Variants in LRMDA observed in about 807,000 individuals in gnomAD.
The protein encoded by LRMDA is leucine rich melanocyte differentiation associated, also known as leucine-rich melanocyte differentiation-associated protein.
In LRMDA, 18 loss-of-function variants were observed where a neutral mutation model predicts 29.8. The observed-to-expected ratio is 0.60, with a 90% CI of 0.42 to 0.90. The LOEUF is 0.90. Among genes scored for constraint, LRMDA ranks in the 40% least tolerant of loss-of-function variants. The pLI, the probability that LRMDA is intolerant of heterozygous loss-of-function variation, is 0.00. For synonymous variants in LRMDA, 125 were observed against 109.4 expected (o/e 1.14, Z -0.89); for missense variants, 273 against 273.9 (o/e 1.00, Z 0.02).
intron 6 of LRMDA, among the ~76,000 whole-genome samples, chr10:76,359,947 G>A (rs1490819704): frequency 2.0e-5 from 3 of 152,062 alleles, no homozygotes; most frequent in Non-Finnish European, 4.4e-5. Context: ...AGGACCAAGA[G>A]CAACTTGTTG....
chr10:75,555,227 G>A (rs1488203322), intron 2 of LRMDA, among the ~76,000 whole-genome samples: 1 of 152,108 alleles, frequency 6.6e-6, no homozygotes, highest in Admixed American at 6.6e-5. Flanking sequence ...TACCGGAAGG[G>A]GAGCTGACTC....
intron 2 of LRMDA, among the ~76,000 whole-genome samples, chr10:75,654,034 G>A (rs879116742): frequency 3.9e-5 from 6 of 152,220 alleles, no homozygotes; most frequent in African/African-American, 9.7e-5. Context: ...CACACCCATA[G>A]TCAGCGCACT....
chr10:75,821,276 G>GCAA (rs1219504038), intron 2 of LRMDA, among the ~76,000 whole-genome samples: 1 of 152,134 alleles, frequency 6.6e-6, no homozygotes, highest in African/African-American at 2.4e-5. Flanking sequence ...CAGAACACTA[G>GCAA]CAAACTGAAT....
chr10:76,319,462 G>T (rs1326857415), intron 5 of LRMDA, among the ~76,000 whole-genome samples: 1 of 152,150 alleles, frequency 6.6e-6, no homozygotes, highest in African/African-American at 2.4e-5. Context: ...ATGATCCAGA[G>T]TATGGGAGTG....
intron 6 of LRMDA, among the ~76,000 whole-genome samples, chr10:76,326,934 G>A (rs117047508): frequency 0.012 from 1,860 of 152,108 alleles, 23 homozygotes; most frequent in Non-Finnish European, 0.017. Context: ...TCTGAGTTAT[G>A]TTGATTTTCT....
chr10:75,509,974 A>T (rs1196598269), intron 2 of LRMDA, among the ~76,000 whole-genome samples: 1 of 152,206 alleles, frequency 6.6e-6, no homozygotes, highest in East Asian at 1.9e-4. Context: ...TCCAAAACAG[A>T]CAGGGTTGCC....
intron 6 of LRMDA, among the ~76,000 whole-genome samples, chr10:76,414,325 A>C (rs1006078040): frequency 2.0e-5 from 3 of 152,212 alleles, no homozygotes; most frequent in African/African-American, 4.8e-5. Flanking sequence ...GCCACAAAAC[A>C]AACCAGAAAC....
At chr10:76,278,040 A>G (rs1332559207) in intron 5 of LRMDA, among the ~76,000 whole-genome samples, 1 of 152,186 alleles carries the variant, frequency 6.6e-6, no homozygotes, top group African/African-American at 2.4e-5. Context: ...TTACTCAGTC[A>G]GAAGAAGGAG....
At chr10:75,693,375 T>C (rs1436875784) in intron 2 of LRMDA, among the ~76,000 whole-genome samples, 1 of 152,212 alleles carries the variant, frequency 6.6e-6, no homozygotes, top group Non-Finnish European at 1.5e-5. Context: ...AAGGATGTTA[T>C]GGGAGCCTCT....
At chr10:75,594,286 G>A (rs1840759574) in intron 2 of LRMDA, among the ~76,000 whole-genome samples, 1 of 152,190 alleles carries the variant, frequency 6.6e-6, no homozygotes, top group African/African-American at 2.4e-5. Context: ...GGTAGTTGGT[G>A]CTTTCTCCTA....
intron 2 of LRMDA, among the ~76,000 whole-genome samples, chr10:75,834,584 C>T (rs1844401460): frequency 6.6e-6 from 1 of 152,172 alleles, no homozygotes; most frequent in African/African-American, 2.4e-5. Context: ...CAAGAGGAAA[C>T]CAGATTGGAC....
chr10:75,556,093 G>A (rs554101785), intron 2 of LRMDA, among the ~76,000 whole-genome samples: 36 of 152,018 alleles, frequency 2.4e-4, no homozygotes, highest in Middle Eastern at 3.4e-3. Context: ...ATGGGGTGGG[G>A]GTGAATGAAA....
intron 5 of LRMDA, among the ~76,000 whole-genome samples, chr10:76,178,119 C>T (rs1424995197): frequency 2.6e-5 from 4 of 152,310 alleles, no homozygotes; most frequent in African/African-American, 9.6e-5. Flanking sequence ...TCAGTCTGCT[C>T]ACCAGGGGAA....
chr10:76,166,797 G>C (rs1589360332), intron 5 of LRMDA, among the ~76,000 whole-genome samples: 1 of 151,906 alleles, frequency 6.6e-6, no homozygotes, highest in East Asian at 1.9e-4. Flanking sequence ...TGTATGTCTT[G>C]ATGACTGAAC....
At chr10:76,411,211 C>A (rs1841957517) in intron 6 of LRMDA, among the ~76,000 whole-genome samples, 1 of 152,182 alleles carries the variant, frequency 6.6e-6, no homozygotes, top group Non-Finnish European at 1.5e-5. Context: ...CACTTGCAGG[C>A]TGAGTTTGTT....
chr10:76,517,971 G>A (rs1417149157), intron 6 of LRMDA, among the ~76,000 whole-genome samples: 3 of 146,012 alleles, frequency 2.1e-5, no homozygotes, highest in African/African-American at 7.4e-5. Flanking sequence ...ATCAAGAAAA[G>A]AGAAAAAGAA....
intron 6 of LRMDA, among the ~76,000 whole-genome samples, chr10:76,508,514 C>A (rs1564561926): frequency 6.6e-6 from 1 of 151,560 alleles, no homozygotes; most frequent in Non-Finnish European, 1.5e-5. Context: ...GGGTTATAAT[C>A]CATTACTGTT....
chr10:76,340,553 A>G (rs1408976097), intron 6 of LRMDA, among the ~76,000 whole-genome samples: 2 of 148,598 alleles, frequency 1.3e-5, no homozygotes, highest in Non-Finnish European at 3.0e-5. Flanking sequence ...AGAGAGGGAG[A>G]AACCTATGAA....
intron 5 of LRMDA, among the ~76,000 whole-genome samples, chr10:76,220,904 A>G (rs1192127971): frequency 1.3e-5 from 2 of 152,158 alleles, no homozygotes; most frequent in Non-Finnish European, 2.9e-5. Context: ...CCAGCAGCAC[A>G]TCAAGAAGCT....
Sources: gnomAD v4.1 joint callset for allele counts (sites outside exome capture counted in the v4.1 genomes callset) on GRCh38, gnomAD v4.1.1 for gene constraint, MANE v1.5 for transcripts, NCBI Gene and HGNC (gene_info 2026-07-23, HGNC 2026-07-21) for gene names.